The following NIBAN3 variants were observed in gnomAD, a reference collection of about 807,000 sequenced individuals.
NIBAN3 encodes protein Niban 3.
In NIBAN3, 66 loss-of-function variants were observed where a neutral mutation model predicts 76.4. The observed-to-expected ratio is 0.86, with a 90% confidence interval of 0.71 to 1.06. The LOEUF (loss-of-function observed/expected upper bound fraction) is 1.06. Ranked by LOEUF, NIBAN3 falls within the 50% of genes least tolerant of loss-of-function variation. NIBAN3 has a pLI of 0.00. For missense variants in NIBAN3, 808 were observed against 810.7 expected, an observed-to-expected ratio of 1.00 and a Z score of 0.04; for synonymous variants, 360 against 355.2, an observed-to-expected ratio of 1.01 and a Z score of -0.15.
At chr19:17,539,845 G>A in intron 8 of NIBAN3, 80 bp downstream of exon 8, 2 of 1,152,776 alleles carry the variant, frequency 1.7e-6, no homozygotes, top group South Asian at 1.5e-5. Context: ...AGCGAAGAAT[G>A]GGCTTGAAGT....
chr19:17,523,775 C>T (rs1359489199), upstream of NIBAN3, among the ~76,000 whole-genome samples: 2 of 152,226 alleles, frequency 1.3e-5, no homozygotes, highest in African/African-American at 4.8e-5. Context: ...GCAGCGCACC[C>T]ACTTCCTGCT....
In NIBAN3 at chr19:17,553,508, T is replaced by G; in HGVS notation, c.*1610T>G. 2 of 1,614,244 alleles carry G rather than the reference T, an allele frequency of 1.2e-6. No homozygotes were observed. The highest frequency in any genetic ancestry group is 1.7e-5 in the Admixed American group (1 of 60,018). ...CTTGCAGAGGGACTTTCACACTCCC[T>G]GGAGACCGTTTCCTCCCATTCTGTC... On this transcript the variant is annotated 3_prime_UTR_variant, in exon 15 of 15. Transcript: ENST00000599164.
intron 4 of NIBAN3, among the ~76,000 whole-genome samples, chr19:17,535,979 C>A (rs73504255): frequency 0.016 from 2,472 of 152,152 alleles, 69 homozygotes; most frequent in African/African-American, 0.057. Flanking sequence ...GTGTCCCAGA[C>A]GTATCAAGGA....
intron 13 of NIBAN3, among the ~76,000 whole-genome samples, chr19:17,548,391 T>C (rs945747351): frequency 6.6e-6 from 1 of 151,426 alleles, no homozygotes; most frequent in Non-Finnish European, 1.5e-5. Flanking sequence ...AGACTGGAAG[T>C]GAGGGAGGAG....
Position 17,532,319 on chromosome 19 carries a change from A to G in NIBAN3, c.243A>G (p.Pro81=). The change falls in exon 3 of 15, where the codon CCA becomes CCG. Residue 81 remains proline, a synonymous_variant. Transcript: ENST00000599164. ...RGPLTQLRGH[P]PRWQPIFCVL... is the part of the protein sequence containing the mutation. ...CCCTGACCCAGCTTCGGGGCCACCC[A>G]CCCCGGTGGCAGCCGATCTTCTGTG... The G allele has an allele frequency of 6.2e-7, 1 of 1,613,938 alleles. No homozygotes were observed. Among genetic ancestry groups the G allele is most frequent in the Non-Finnish European group, 8.5e-7 (1 of 1,179,954 alleles).
intron 2 of NIBAN3, 63 bp from the exon 3 acceptor site, chr19:17,532,200 T>A: frequency 6.5e-7 from 1 of 1,545,642 alleles, no homozygotes; most frequent in South Asian, 1.2e-5. Flanking sequence ...GGTGTCTGGG[T>A]GGTCGGGCCA....
upstream of NIBAN3, among the ~76,000 whole-genome samples, chr19:17,524,110 C>T (rs973256527): frequency 2.0e-5 from 3 of 152,132 alleles, no homozygotes; most frequent in African/African-American, 7.2e-5. Context: ...AGGCTGGTCT[C>T]GAACTCCTGA....
At chr19:17,545,084 G>T (rs894621658) in intron 12 of NIBAN3, 2 of 152,188 alleles carry the variant, frequency 1.3e-5, no homozygotes, top group African/African-American at 4.8e-5. Context: ...GATCGCTTGA[G>T]CCTGGGAGGT....
upstream of NIBAN3, chr19:17,523,345 G>A (rs1382870878): frequency 8.4e-7 from 1 of 1,192,930 alleles, no homozygotes; most frequent in Non-Finnish European, 1.2e-6. Flanking sequence ...AGGCGGCTGT[G>A]CAGGGTGAGA....
In NIBAN3 at chr19:17,542,894, A is replaced by G. The variant is rs1425971711; in HGVS notation, c.1330-423A>G. Among the ~76,000 whole-genome samples, 1 of 152,080 alleles carries G rather than the reference A, an allele frequency of 6.6e-6. No homozygotes were observed. The highest frequency in any genetic ancestry group is 6.6e-5 in the Admixed American group (1 of 15,258). On this transcript the variant is annotated intron_variant, in intron 10 of 14. Coordinates refer to ENST00000599164, the MANE Select transcript of NIBAN3 (RefSeq NM_001321827.2). This position sits in a 1 kb window ranked among gnomAD's most constrained non-coding sequence, Gnocchi z 4.8. Reference sequence around the variant, plus strand: ...ACCAGGATGGGGGATGTCAGTGGGGAGAAGCAATAAGTGTTTTGAAGTCTG... The same window carrying G: ...ACCAGGATGGGGGATGTCAGTGGGGGGAAGCAATAAGTGTTTTGAAGTCTG...
downstream of NIBAN3, chr19:17,555,527 G>A: frequency 2.2e-6 from 1 of 457,366 alleles, no homozygotes; most frequent in Non-Finnish European, 3.1e-6. Flanking sequence ...GGCGTCCTGG[G>A]TAGGGCTGCA....
Position 17,546,742 on chromosome 19 carries a change from T to C in NIBAN3, c.1611T>C (p.Thr537=), listed in dbSNP as rs1568462165. 2 of 1,606,030 alleles carry C rather than the reference T, an allele frequency of 1.2e-6. No individual in the cohort carries two copies. Among genetic ancestry groups the C allele is most frequent in the South Asian group, 1.1e-5 (1 of 89,064 alleles). Residue 537 remains threonine (T), a synonymous_variant, in exon 13 of 15, where the codon ACT becomes ACC. Transcript: ENST00000599164. ...VLAVGSQALT[T]EGIYEDVIRG... ...CCGTGGGCAGCCAGGCTCTGACCAC[T>C]GAGGGCATCTATGAGGACGTCATCC...
At position 17,551,894 on chromosome 19, in the gene NIBAN3, G is replaced by A. The variant is rs752084820; in HGVS notation, c.1859G>A (p.Ser620Asn). The part of the protein sequence containing the change: ...CPPPSPGTFR[S>N] Reference sequence around the variant, plus strand: ...CCGCCTTCTCCAGGAACATTCCGGAGCTGAATCTTCACCCACATCTATCTT... The same window carrying A: ...CCGCCTTCTCCAGGAACATTCCGGAACTGAATCTTCACCCACATCTATCTT... Residue 620 changes from serine to asparagine, a missense_variant, in exon 15 of 15, where the codon AGC becomes AAC. Physicochemically the swap from Ser to Asn is conservative, Grantham distance 46 (BLOSUM62 1). Transcript: ENST00000599164. 2.8e-5 allele frequency: 22 copies of A among 777,504 alleles called. No homozygotes were observed. The highest frequency in any genetic ancestry group is 4.8e-5 in the Non-Finnish European group (20 of 415,406). The allele number at this position is 777,504 out of a possible 1,614,324, so 48.2% of individuals were successfully genotyped here.
chr19:17,553,808 T>C (rs1216556219), downstream of NIBAN3: 4 of 416,348 alleles, frequency 9.6e-6, no homozygotes, highest in East Asian at 1.6e-4. Context: ...TCACCTCCTT[T>C]TTCTTACTTA....
upstream of NIBAN3, chr19:17,527,227 C>T (rs1032453481): frequency 5.2e-6 from 8 of 1,548,302 alleles, no homozygotes; most frequent in Non-Finnish European, 7.0e-6. Flanking sequence ...AGGGGCGGGG[C>T]CTCTGAACCC....
intron 1 of NIBAN3, among the ~76,000 whole-genome samples, chr19:17,530,236 A>G (rs2075690679): frequency 1.3e-5 from 2 of 151,910 alleles, no homozygotes; most frequent in Non-Finnish European, 2.9e-5. Context: ...TGGGAGAATC[A>G]CCTGAGCCCA....
chr19:17,551,097 T>C (rs2076147745), intron 14 of NIBAN3, among the ~76,000 whole-genome samples: 1 of 151,862 alleles, frequency 6.6e-6, no homozygotes, highest in Non-Finnish European at 1.5e-5. Flanking sequence ...TTTTTATTTA[T>C]TTATTTATTT....
rs767634563 is a variant in NIBAN3, at chr19:17,543,549, C to T, written c.1472C>T (p.Ala491Val). The T allele has an allele frequency of 1.5e-5, 25 of 1,613,982 alleles. No homozygotes were observed. In the South Asian group the frequency reaches 1.6e-4, roughly 11 times the overall value. The part of the protein sequence containing the change: ...LKKFKSDSGL[A>V]QRRFIRGWGL... ...AAATTCAAATCGGACAGCGGGTTGG[C>T]GCAGAGGAGGTTCATCCGAGGCTGG... The change falls in exon 12 of 15, where the codon GCG (alanine) becomes GTG (valine). Residue 491 changes from alanine (A) to valine (V), a missense_variant. Ala to Val is a moderately conservative substitution (Grantham distance 64). Coordinates refer to ENST00000599164, the MANE Select transcript of NIBAN3 (RefSeq NM_001321827.2).
At chr19:17,539,050 T>G in intron 5 of NIBAN3, 100 bp from the exon 6 acceptor site, 1 of 971,590 alleles carries the variant, frequency 1.0e-6, no homozygotes, top group South Asian at 1.6e-5. Flanking sequence ...GGGTGAGACT[T>G]GGGTGTTGGG....
Sources: gnomAD v4.1 joint callset for allele counts (sites outside exome capture counted in the v4.1 genomes callset) on GRCh38, gnomAD v4.1.1 for gene constraint, Gnocchi (gnomAD v3.1) non-coding constraint, MANE v1.5 for transcripts, NCBI Gene and HGNC (gene_info 2026-07-23, HGNC 2026-07-21) for gene names.